Variants in HMX1 observed in about 807,000 individuals in gnomAD.
HMX1 encodes the protein H6 family homeobox 1, also known as homeobox protein HMX1.
HMX1 carries 8 observed loss-of-function variants against 8.9 expected under a neutral mutation model. The ratio of observed to expected loss-of-function variants is 0.90; its 90% CI spans 0.53 to 1.63. HMX1 has a LOEUF of 1.63. Ranked by LOEUF, HMX1 falls within the 40% of genes most tolerant of loss-of-function variation. The pLI, the probability that HMX1 is intolerant of heterozygous loss-of-function variation, is 0.00. For synonymous variants in HMX1, 311 were observed against 283.4 expected, an observed-to-expected ratio of 1.10 and a Z score of -0.98; for missense variants, 621 against 558.5, an observed-to-expected ratio of 1.11 and a Z score of -1.13.
chr4:8,867,639 C>CATT lies in HMX1; in HGVS notation c.*53_*54insAAT. 19 of 1,212,648 alleles carry CATT rather than the reference C, an allele frequency of 1.6e-5. No homozygotes were observed. The highest frequency in any genetic ancestry group is 1.4e-4 in the African/African-American group (9 of 63,506). The allele number at this position is 1,212,648 out of a possible 1,614,324, so 75.1% of individuals were successfully genotyped here. On this transcript the variant is annotated 3_prime_UTR_variant, in exon 2 of 2. Coordinates refer to ENST00000400677, the MANE Select transcript of HMX1 (RefSeq NM_018942.3). ...CTGAGCCCTGCGCCTGCCGCTGAAT[C>CATT]GCGCGTCCACACAGGTCCACAGGGT...
downstream of HMX1, among the ~76,000 whole-genome samples, chr4:8,864,582 T>C (rs1721934202): frequency 6.6e-6 from 1 of 152,210 alleles, no homozygotes; most frequent in South Asian, 2.1e-4. Flanking sequence ...ACCCCCTGCT[T>C]GCCCCCAGCC....
At position 8,848,653 on chromosome 4, in the gene HMX1, TC is replaced by T. The variant is rs1721345193; in HGVS notation, c.395-2330del. On this transcript the variant is annotated intron_variant, in intron 1 of 1. Coordinates refer to the HMX1 transcript ENST00000506970. This position sits in a 1 kb window ranked among gnomAD's most constrained non-coding sequence, Gnocchi z 4.1. ...TGCTGTAGACCAACCTAAACCAGGC[TC>T]CCCCATCCCCCTTTTTTCAGATATG... Among the ~76,000 whole-genome samples the T allele has an allele frequency of 6.6e-6, 1 of 152,112 alleles. No individual in the cohort carries two copies. The highest frequency in any genetic ancestry group is 2.4e-5 in the African/African-American group (1 of 41,508).
rs1259248284 is a variant in HMX1 at position 8,849,280 on chromosome 4, G to T, written c.395-2956C>A. Among the ~76,000 whole-genome samples, 1 of 152,070 alleles carries T rather than the reference G, an allele frequency of 6.6e-6. No individual in the cohort carries two copies. Among genetic ancestry groups the T allele is most frequent in the Non-Finnish European group, 1.5e-5 (1 of 68,026 alleles). ...GTTTATTTGGAAATAGGGTCTTCCT[G>T]AGGTAAGCAAGCTGAAATGCAGGCA... On this transcript the variant is annotated intron_variant, in intron 1 of 1. Coordinates refer to the HMX1 transcript ENST00000506970. The surrounding 1 kb of genome is among the most constrained non-coding windows in gnomAD (Gnocchi z 6.6).
At chr4:8,846,185 G>A in exon 2 of HMX1, 4 of 1,336,750 alleles carry the variant, frequency 3.0e-6, no homozygotes, top group Non-Finnish European at 4.1e-6. Context: ...CCACCGTGTT[G>A]TGGCTGCACC....
chr4:8,857,371 GC>G (rs1195748678), intron 1 of HMX1, among the ~76,000 whole-genome samples: 1 of 152,154 alleles, frequency 6.6e-6, no homozygotes, highest in Non-Finnish European at 1.5e-5. Flanking sequence ...TGCCCGTGGG[GC>G]CCCCTCCCCA....
Position 8,868,962 on chromosome 4 carries a change from G to A in HMX1, c.395-617C>T, listed in dbSNP as rs1577201109. 6.6e-6 allele frequency among the ~76,000 whole-genome samples: 1 copy of A among 152,036 alleles called. No individual in the cohort carries two copies. On this transcript the variant is annotated intron_variant, in intron 1 of 1. Transcript: ENST00000400677. This position sits in a 1 kb window ranked among gnomAD's most constrained non-coding sequence, Gnocchi z 4.6. ...ACCAATGCAAAGGATCCCCAAAAGA[G>A]AACTCCCATCAGGTGAGGCTGTCAC...
downstream of HMX1, among the ~76,000 whole-genome samples, chr4:8,863,596 G>T (rs575193708): frequency 2.7e-4 from 41 of 152,340 alleles, no homozygotes; most frequent in African/African-American, 9.4e-4. Flanking sequence ...CCCCATGGGG[G>T]TTCGGGAGTG....
downstream of HMX1, among the ~76,000 whole-genome samples, chr4:8,862,138 G>A (rs183978121): frequency 7.9e-5 from 12 of 152,378 alleles, no homozygotes; most frequent in Admixed American, 6.5e-4. Context: ...GGCGGAGGCC[G>A]GGAAAGCTGC....
chr4:8,867,519 C>T lies in HMX1; in HGVS notation c.*174G>A, dbSNP rs933286621. 1.7e-6 allele frequency: 2 copies of T among 1,184,092 alleles called. No homozygotes were observed. Among genetic ancestry groups the T allele is most frequent in the Non-Finnish European group, 2.1e-6 (2 of 957,682 alleles). 73.3% of individuals were successfully genotyped at this position (1,184,092 alleles called of 1,614,324 possible). ...GGGGCGTCCCATTACATTCTAGAGG[C>T]GCTCCCCACAGAAGCTGAGGCCCGC... On this transcript the variant is annotated 3_prime_UTR_variant, in exon 2 of 2. Transcript: ENST00000400677.
At chr4:8,850,016 C>A (rs1309790775) in intron 1 of HMX1, among the ~76,000 whole-genome samples, 1 of 152,194 alleles carries the variant, frequency 6.6e-6, no homozygotes, top group Non-Finnish European at 1.5e-5. Flanking sequence ...CACAGCCCCA[C>A]AACCCCCCTC....
intron 1 of HMX1, among the ~76,000 whole-genome samples, chr4:8,857,669 C>T (rs998005918): frequency 1.3e-5 from 2 of 152,214 alleles, no homozygotes; most frequent in Non-Finnish European, 2.9e-5. Context: ...ATCGTTCCGC[C>T]GTTCGCCCTG....
At chr4:8,866,882 C>T (rs1291650662), downstream of HMX1, among the ~76,000 whole-genome samples, 2 of 152,270 alleles carry the variant, frequency 1.3e-5, no homozygotes, top group Middle Eastern at 3.4e-3. Flanking sequence ...AGAAGAGGGG[C>T]ACAGCGCTCA....
rs1335799714 is a variant in HMX1, at chr4:8,870,225, G to A, written c.394+996C>T. Among the ~76,000 whole-genome samples, 1 of 152,126 alleles carries A rather than the reference G, an allele frequency of 6.6e-6. No individual in the cohort carries two copies. The highest frequency in any genetic ancestry group is 1.5e-5 in the Non-Finnish European group (1 of 68,006). On this transcript the variant is annotated intron_variant, in intron 1 of 1. Coordinates refer to ENST00000400677, the MANE Select transcript of HMX1 (RefSeq NM_018942.3). The surrounding 1 kb of genome is among the most constrained non-coding windows in gnomAD (Gnocchi z 4.4). ...CTCAAGGTCCAAAGGCTGTGTTGGGGGTGGGGGGCTGGCTAAGCCAGGGCT... is the reference window on the plus strand; with the variant it reads ...CTCAAGGTCCAAAGGCTGTGTTGGGAGTGGGGGGCTGGCTAAGCCAGGGCT...
chr4:8,850,979 T>C (rs3924420), intron 1 of HMX1, among the ~76,000 whole-genome samples: 42,788 of 152,132 alleles, frequency 0.28, 7,041 homozygotes, highest in East Asian at 0.77. Context: ...GGGCAGGGAG[T>C]CTGGAATCCA....
At chr4:8,851,013 C>T (rs887639219) in intron 1 of HMX1, among the ~76,000 whole-genome samples, 20 of 152,250 alleles carry the variant, frequency 1.3e-4, no homozygotes, top group African/African-American at 3.6e-4. Context: ...GTGCCTAGCA[C>T]GGGGCCCTGG....
At chr4:8,860,734 A>C (rs1326310604) in intron 1 of HMX1, 1 of 152,202 alleles carries the variant, frequency 6.6e-6, no homozygotes, top group East Asian at 1.9e-4. Flanking sequence ...GGCGGATCAG[A>C]CGCCTCCCTT....
In HMX1 at chr4:8,848,758, G is replaced by A. The variant is rs1401836863; in HGVS notation, c.395-2434C>T. ...GCCTGACACCCAACCTGGGTCAGAA[G>A]ATTACCCCAGGGCAAGTAGCAAGGA... On this transcript the variant is annotated intron_variant, in intron 1 of 1. Transcript: ENST00000506970. The surrounding 1 kb of genome is among the most constrained non-coding windows in gnomAD (Gnocchi z 4.1). 6.6e-6 allele frequency among the ~76,000 whole-genome samples: 1 copy of A among 152,182 alleles called. No homozygotes were observed. Among genetic ancestry groups the A allele is most frequent in the African/African-American group, 2.4e-5 (1 of 41,444 alleles).
rs1383217486 is a variant in HMX1 at position 8,849,850 on chromosome 4, C to T, written c.395-3526G>A. Among the ~76,000 whole-genome samples, 2 of 152,176 alleles carry T rather than the reference C, an allele frequency of 1.3e-5. No individual in the cohort carries two copies. Among genetic ancestry groups the T allele is most frequent in the East Asian group, 3.9e-4 (2 of 5,174 alleles). On this transcript the variant is annotated intron_variant, in intron 1 of 1. Coordinates refer to the HMX1 transcript ENST00000506970. This position sits in a 1 kb window ranked among gnomAD's most constrained non-coding sequence, Gnocchi z 6.6. ...TGGTCTGCCATTTGTCATTTAACTC[C>T]ACCCTCAGCCCGGAGTCTTCAGATG...
chr4:8,865,004 G>A (rs931558182), downstream of HMX1, among the ~76,000 whole-genome samples: 1 of 152,194 alleles, frequency 6.6e-6, no homozygotes, highest in African/African-American at 2.4e-5. Flanking sequence ...CTTGGTGACC[G>A]GTTCCATGGT....
Sources: allele counts gnomAD v4.1 joint callset (sites outside exome capture counted in the v4.1 genomes callset), GRCh38; gene constraint gnomAD v4.1.1; non-coding constraint Gnocchi (gnomAD v3.1); transcripts MANE v1.5; gene names NCBI Gene and HGNC (gene_info 2026-07-23, HGNC 2026-07-21).